The following AKAP10 variants were observed in gnomAD, a reference collection of about 807,000 sequenced individuals.
AKAP10 encodes A-kinase anchoring protein 10, also known as A-kinase anchor protein 10, mitochondrial.
In AKAP10, 24 loss-of-function variants were observed where a neutral mutation model predicts 80.8. The observed-to-expected ratio is 0.30, with a 90% CI of 0.22 to 0.42. AKAP10 has a LOEUF of 0.42. Among genes scored for constraint, AKAP10 ranks in the 10% least tolerant of loss-of-function variants. The probability of loss-of-function intolerance (pLI) is 1.00; values close to 1 mark genes in which losing one functional copy is unlikely to be tolerated. For missense variants in AKAP10, 661 were observed against 794.9 expected, an observed-to-expected ratio of 0.83 and a Z score of 2.03; for synonymous variants, 291 against 277.7, an observed-to-expected ratio of 1.05 and a Z score of -0.48.
At chr17:19,947,281 A>C (rs2043145205) in intron 5 of AKAP10, 126 bp downstream of exon 5, 1 of 742,970 alleles carries the variant, frequency 1.3e-6, no homozygotes, top group Middle Eastern at 3.8e-4. Context: ...ATACTCAGAA[A>C]ACAAATTAGG....
chr17:19,932,431 C>T lies in AKAP10; in HGVS notation c.1468-453G>A, dbSNP rs369029066. On this transcript the variant is annotated intron_variant, in intron 9 of 14. Transcript: ENST00000225737. ...TTGCACCACTGCACTCCAGCCTGGA[C>T]GCTGGAGCAAGACTGTCTAAAAAAA... 2.1e-4 allele frequency among the ~76,000 whole-genome samples: 30 copies of T among 141,730 alleles called. No homozygotes were observed. The South Asian group carries it at 2.9e-3, about 14-fold the overall frequency. The allele number at this position is 141,730 out of a possible 152,430, so 93.0% of individuals were successfully genotyped here.
intron 11 of AKAP10, among the ~76,000 whole-genome samples, chr17:19,922,664 G>A (rs1179461739): frequency 1.3e-5 from 2 of 152,204 alleles, no homozygotes; most frequent in Non-Finnish European, 2.9e-5. Flanking sequence ...ACTTTGGGAA[G>A]CCAAGGCGGG....
intron 8 of AKAP10, among the ~76,000 whole-genome samples, chr17:19,939,083 A>C (rs1437993227): frequency 6.6e-6 from 1 of 152,128 alleles, no homozygotes; most frequent in East Asian, 1.9e-4. Context: ...AGAATACCAT[A>C]CGTTACAGAG....
At chr17:19,915,076 A>G (rs1247747671) in intron 12 of AKAP10, among the ~76,000 whole-genome samples, 1 of 152,202 alleles carries the variant, frequency 6.6e-6, no homozygotes, top group African/African-American at 2.4e-5. Context: ...GTATATTGAA[A>G]AGTAAAAGGC....
At chr17:19,917,879 G>A (rs1273662626) in intron 12 of AKAP10, among the ~76,000 whole-genome samples, 1 of 149,552 alleles carries the variant, frequency 6.7e-6, no homozygotes, top group Non-Finnish European at 1.5e-5. Flanking sequence ...GCCAAGCCTG[G>A]CGACAGAGCT....
intron 4 of AKAP10, among the ~76,000 whole-genome samples, chr17:19,954,127 T>C (rs951697747): frequency 6.6e-6 from 1 of 152,164 alleles, no homozygotes; most frequent in Non-Finnish European, 1.5e-5. Context: ...ACACAATCTC[T>C]TCTAGAAAAT....
chr17:19,932,780 T>C (rs2042950031), intron 9 of AKAP10, among the ~76,000 whole-genome samples: 1 of 152,116 alleles, frequency 6.6e-6, no homozygotes, highest in African/African-American at 2.4e-5. Context: ...TATCAAAATA[T>C]CTGTTTCCAC....
intron 9 of AKAP10, among the ~76,000 whole-genome samples, chr17:19,933,207 C>T (rs1469323432): frequency 2.6e-5 from 4 of 151,942 alleles, no homozygotes; most frequent in African/African-American, 4.8e-5. Flanking sequence ...TTAGTAGAGA[C>T]GGGGTTTCGC....
At chr17:19,948,099 G>C (rs751389209) in intron 4 of AKAP10, among the ~76,000 whole-genome samples, 16 of 152,046 alleles carry the variant, frequency 1.1e-4, no homozygotes, top group Non-Finnish European at 2.4e-4. Flanking sequence ...AATTAATATA[G>C]AGAATATCAT....
At chr17:19,948,894 C>G (rs137909224) in intron 4 of AKAP10, among the ~76,000 whole-genome samples, 1 of 152,174 alleles carries the variant, frequency 6.6e-6, no homozygotes, top group African/African-American at 2.4e-5. Context: ...CCAGAGCCGA[C>G]AGAATGCTGC....
chr17:19,905,227 T>C lies in AKAP10; in HGVS notation c.*1000A>G, dbSNP rs923844674. 2 of 151,912 alleles carry C rather than the reference T, an allele frequency of 1.3e-5. No individual in the cohort carries two copies. Among genetic ancestry groups the C allele is most frequent in the Non-Finnish European group, 2.9e-5 (2 of 68,022 alleles). 9.4% of individuals were successfully genotyped at this position (151,912 alleles called of 1,614,324 possible). On this transcript the variant is annotated 3_prime_UTR_variant, in exon 15 of 15. Transcript: ENST00000225737. ...GAAGTGCAGTGAGTGAGTCTCTTAC[T>C]ATCCTAAAGAAAGGAGAAGAAAGAC...
At chr17:19,968,893 G>C (rs892117463) in intron 1 of AKAP10, among the ~76,000 whole-genome samples, 2 of 152,134 alleles carry the variant, frequency 1.3e-5, no homozygotes, top group Non-Finnish European at 2.9e-5. Flanking sequence ...GTAAATTGAG[G>C]ACAAATGCTA....
chr17:19,945,702 T>G (rs1005851207), intron 5 of AKAP10, among the ~76,000 whole-genome samples: 21 of 152,136 alleles, frequency 1.4e-4, no homozygotes, highest in Non-Finnish European at 2.9e-4. Context: ...CAGCTGAGAC[T>G]AACAGGGGTC....
intron 4 of AKAP10, among the ~76,000 whole-genome samples, chr17:19,948,371 T>C (rs2043158948): frequency 6.6e-6 from 1 of 152,140 alleles, no homozygotes; most frequent in Non-Finnish European, 1.5e-5. Flanking sequence ...CCTCTATTTC[T>C]GGTCTGAGGA....
At chr17:19,957,036 C>T (rs996674507) in intron 4 of AKAP10, among the ~76,000 whole-genome samples, 4 of 151,982 alleles carry the variant, frequency 2.6e-5, no homozygotes, top group Admixed American at 2.0e-4. Flanking sequence ...AATCACTTAG[C>T]CCTTTAAGAC....
Position 19,940,833 on chromosome 17 carries a change from ATAGT to A in AKAP10, c.1185+50_1185+53del. 4.6e-6 allele frequency: 7 copies of A among 1,518,808 alleles called. No homozygotes were observed. In the Admixed American group the frequency reaches 7.1e-5, roughly 15 times the overall value. The allele number at this position is 1,518,808 out of a possible 1,614,324, so 94.1% of individuals were successfully genotyped here. On this transcript the variant is annotated intron_variant, in intron 7 of 14. Coordinates refer to ENST00000225737, the MANE Select transcript of AKAP10 (RefSeq NM_007202.4). ...TCCTATAGACAGGGCCCCAGCATTGATAGTTAGAGGCTGGAATGCTCGAATAGAG... is the reference window on the plus strand; with the variant it reads ...TCCTATAGACAGGGCCCCAGCATTGATAGAGGCTGGAATGCTCGAATAGAG...
intron 12 of AKAP10, among the ~76,000 whole-genome samples, chr17:19,915,229 T>C (rs1022227436): frequency 2.0e-5 from 3 of 152,228 alleles, no homozygotes; most frequent in African/African-American, 7.2e-5. Flanking sequence ...ATCTAAAATG[T>C]GTAACACGAA....
intron 12 of AKAP10, among the ~76,000 whole-genome samples, chr17:19,918,240 A>AT (rs1374963950): frequency 6.6e-6 from 1 of 151,240 alleles, no homozygotes; most frequent in African/African-American, 2.4e-5. Flanking sequence ...AAAAAAAAAA[A>AT]AAGAAAATAA....
rs1413882577 is a variant in AKAP10 at position 19,977,804 on chromosome 17, A to C, written c.-125T>G. ...CCCAGGCAGCTCCAGCCGCCATATT[A>C]TCAACAAGCCGCCCGCCCGGAGTTC... On this transcript the variant is annotated 5_prime_UTR_variant, in exon 1 of 15. Coordinates refer to ENST00000225737, the MANE Select transcript of AKAP10 (RefSeq NM_007202.4). The C allele has an allele frequency of 1.9e-6, 1 of 514,736 alleles. No homozygotes were observed. The highest frequency in any genetic ancestry group is 3.5e-5 in the East Asian group (1 of 28,574). The allele number at this position is 514,736 out of a possible 1,614,324, so 31.9% of individuals were successfully genotyped here.
Sources: allele counts gnomAD v4.1 joint callset (sites outside exome capture counted in the v4.1 genomes callset), GRCh38; gene constraint gnomAD v4.1.1; transcripts MANE v1.5; gene names NCBI Gene and HGNC (gene_info 2026-07-23, HGNC 2026-07-21).